IDE: variants seen among roughly 807,000 people sequenced by gnomAD.
IDE encodes insulin-degrading enzyme.
In IDE, 58 loss-of-function variants were observed where a neutral mutation model predicts 133.2. That is an observed-to-expected ratio of 0.44 (90% CI 0.35 to 0.54). The LOEUF (loss-of-function observed/expected upper bound fraction) is 0.54. IDE is among the 20% of genes least tolerant of loss of function. IDE has a pLI of 0.00. For missense variants in IDE, 981 were observed against 1,234.0 expected (o/e 0.79, Z 3.07); for synonymous variants, 396 against 421.3 (o/e 0.94, Z 0.73).
intron 4 of IDE, among the ~76,000 whole-genome samples, chr10:92,530,086 C>A (rs542293858): frequency 2.0e-5 from 3 of 152,168 alleles, no homozygotes; most frequent in African/African-American, 7.2e-5. Flanking sequence ...ATTAGCCGGG[C>A]ATGGTGGCGG....
At chr10:92,538,633 G>A (rs1190816155) in intron 1 of IDE, among the ~76,000 whole-genome samples, 2 of 152,162 alleles carry the variant, frequency 1.3e-5, no homozygotes, top group Non-Finnish European at 2.9e-5. Flanking sequence ...TACAGTGATG[G>A]GAAAGGACTA....
At chr10:92,473,615 C>T (rs2135386839) in intron 17 of IDE, among the ~76,000 whole-genome samples, 1 of 151,002 alleles carries the variant, frequency 6.6e-6, no homozygotes, top group East Asian at 1.9e-4. Context: ...TCTAAGGATG[C>T]TAAAGCAGGA....
Position 92,504,909 on chromosome 10 carries a change from G to A in IDE, c.1327-12C>T. ...TCTAGGGGATAATACTTTTAAAAAG[G>A]AAAATATAAATAAATAAAATATACA... On this transcript the variant is annotated splice_polypyrimidine_tract_variant and intron_variant, in intron 10 of 24. Coordinates refer to ENST00000265986, the MANE Select transcript of IDE (RefSeq NM_004969.4). 8.1e-7 allele frequency: 1 copy of A among 1,234,076 alleles called. No homozygotes were observed. The highest frequency in any genetic ancestry group is 1.2e-6 in the Non-Finnish European group (1 of 868,014). 76.4% of individuals were successfully genotyped at this position (1,234,076 alleles called of 1,614,324 possible). A position where few individuals can be genotyped will look rare whatever the true frequency, so the allele number is the denominator to read the frequency against.
intron 13 of IDE, among the ~76,000 whole-genome samples, chr10:92,483,539 T>C (rs1269327202): frequency 1.3e-5 from 2 of 152,060 alleles, no homozygotes; most frequent in Admixed American, 1.3e-4. Context: ...TGTAGCAGAG[T>C]GAAATCTGCC....
In IDE at chr10:92,484,239, C is replaced by A. The variant is rs952784920; in HGVS notation, c.1657-902G>T. Among the ~76,000 whole-genome samples, 9 of 151,860 alleles carry A rather than the reference C, an allele frequency of 5.9e-5. No individual in the cohort carries two copies. The East Asian group carries it at 1.6e-3, about 26-fold the overall frequency. On this transcript the variant is annotated intron_variant, in intron 13 of 24. Transcript: ENST00000265986. Reference sequence around the variant, plus strand: ...CATCCTGGCCAACATGGTGAAACCCCGTCTCTACTAATCATACAAAAATGA... The same window carrying A: ...CATCCTGGCCAACATGGTGAAACCCAGTCTCTACTAATCATACAAAAATGA...
At chr10:92,524,425 A>AATATATATTATATTAT in intron 4 of IDE, among the ~76,000 whole-genome samples, 1 of 75,002 alleles carries the variant, frequency 1.3e-5, no homozygotes, top group South Asian at 3.5e-4. Flanking sequence ...TATTATATAT[A>AATATATATTATATTAT]ATATATTTTA....
intron 1 of IDE, among the ~76,000 whole-genome samples, chr10:92,566,452 C>T (rs1843556820): frequency 1.3e-5 from 2 of 151,096 alleles, no homozygotes; most frequent in Non-Finnish European, 2.9e-5. Flanking sequence ...ATAGGCAAAG[C>T]TCCTAATAAA....
intron 22 of IDE, among the ~76,000 whole-genome samples, chr10:92,457,671 A>G (rs1845103990): frequency 6.6e-6 from 1 of 152,136 alleles, no homozygotes; most frequent in Non-Finnish European, 1.5e-5. Context: ...GCAACGTTTC[A>G]TATCCTTAGA....
intron 11 of IDE, among the ~76,000 whole-genome samples, chr10:92,499,790 C>T (rs766571901): frequency 2.0e-5 from 3 of 152,058 alleles, no homozygotes; most frequent in South Asian, 2.1e-4. Flanking sequence ...CTTTGCCTAT[C>T]GCAAGGTTTT....
intron 17 of IDE, among the ~76,000 whole-genome samples, chr10:92,472,642 C>CTT (rs35959170): frequency 1.6e-4 from 20 of 125,910 alleles, no homozygotes; most frequent in Non-Finnish European, 2.2e-4. Context: ...CAACAGAATT[C>CTT]TTTTTTTTTT....
At position 92,480,946 on chromosome 10, in the gene IDE, T is replaced by C. The variant is rs1157003023; in HGVS notation, c.1740-1525A>G. ...TAAAAAAGCAAAAATAGGGATAAAA[T>C]GTGTAGTCACTTAGAGAATTAAAAT... On this transcript the variant is annotated intron_variant, in intron 14 of 24. Transcript: ENST00000265986. 4 of 949,860 alleles carry C rather than the reference T, an allele frequency of 4.2e-6. No homozygotes were observed. In the East Asian group the frequency reaches 3.5e-4, roughly 83 times the overall value. 58.8% of individuals were successfully genotyped at this position (949,860 alleles called of 1,614,324 possible). A position where few individuals can be genotyped will look rare whatever the true frequency, so the allele number is the denominator to read the frequency against.
intron 10 of IDE, among the ~76,000 whole-genome samples, 191 bp from the exon 11 acceptor site, chr10:92,505,088 T>C (rs1158041499): frequency 1.3e-5 from 2 of 152,216 alleles, no homozygotes; most frequent in East Asian, 3.8e-4. Context: ...AGCAGTTTCA[T>C]ATTGTTTGAT....
At chr10:92,562,421 C>A (rs1457712835) in intron 1 of IDE, among the ~76,000 whole-genome samples, 2 of 152,212 alleles carry the variant, frequency 1.3e-5, no homozygotes, top group East Asian at 3.8e-4. Context: ...GAAAAAGACT[C>A]ATGCAAACTA....
At chr10:92,552,857 C>CAAAAAAAAAAAAAAAAAAAAAAAAAA (rs71028827) in intron 1 of IDE, among the ~76,000 whole-genome samples, 29 of 49,378 alleles carry the variant, frequency 5.9e-4, no homozygotes, top group African/African-American at 1.1e-3. Flanking sequence ...GACTCAGTCT[C>CAAAAAAAAAAAAAAAAAAAAAAAAAA]AAAAAAAAAA....
intron 1 of IDE, among the ~76,000 whole-genome samples, chr10:92,556,045 C>T (rs1309401066): frequency 2.0e-5 from 3 of 151,400 alleles, no homozygotes; most frequent in South Asian, 2.1e-4. Flanking sequence ...CGGTGGCGGG[C>T]GCCTGTAGTC....
intron 1 of IDE, among the ~76,000 whole-genome samples, chr10:92,557,847 C>A: frequency 7.3e-6 from 1 of 136,552 alleles, no homozygotes. Context: ...TGCACTACAA[C>A]CTGGGCAACA....
chr10:92,478,341 G>A (rs908883695), intron 15 of IDE, among the ~76,000 whole-genome samples: 13 of 152,090 alleles, frequency 8.5e-5, no homozygotes, highest in South Asian at 4.2e-4. Context: ...TTCTACTTAC[G>A]GATGTTAATA....
intron 22 of IDE, among the ~76,000 whole-genome samples, chr10:92,458,765 G>A (rs1356261645): frequency 1.3e-5 from 2 of 152,062 alleles, no homozygotes; most frequent in Non-Finnish European, 2.9e-5. Context: ...CTCCCAAAGT[G>A]CTGGGATTAC....
chr10:92,563,902 T>C (rs1009472374), intron 1 of IDE, among the ~76,000 whole-genome samples: 1 of 152,248 alleles, frequency 6.6e-6, no homozygotes, highest in South Asian at 2.1e-4. Context: ...GAAAGCTTGC[T>C]GCTTTAACCA....
Sources: gnomAD v4.1 joint callset for allele counts (sites outside exome capture counted in the v4.1 genomes callset) on GRCh38, gnomAD v4.1.1 for gene constraint, MANE v1.5 for transcripts, NCBI Gene and HGNC (gene_info 2026-07-23, HGNC 2026-07-21) for gene names.